The following BICRAL variants were observed in gnomAD, a reference collection of about 807,000 sequenced individuals.
BICRAL encodes BICRA like chromatin remodeling complex associated protein, also known as BRD4-interacting chromatin-remodeling complex-associated protein-like.
In BICRAL, 8 loss-of-function variants were observed where a neutral mutation model predicts 91.8. That is an observed-to-expected ratio of 0.09 (90% CI 0.05 to 0.16). The LOEUF (loss-of-function observed/expected upper bound fraction) is 0.16, where lower values mean the gene tolerates loss of function less well. Ranked by LOEUF, BICRAL falls within the 10% of genes least tolerant of loss-of-function variation. BICRAL has a pLI of 1.00. For synonymous variants in BICRAL, 445 were observed against 491.1 expected, an observed-to-expected ratio of 0.91 and a Z score of 1.24; for missense variants, 1,038 against 1,310.9, an observed-to-expected ratio of 0.79 and a Z score of 3.21.
intron 6 of BICRAL, among the ~76,000 whole-genome samples, chr6:42,844,280 C>T (rs1764911595): frequency 6.7e-6 from 1 of 149,996 alleles, no homozygotes. Flanking sequence ...GAGGCCGAGG[C>T]AGGCGGATCA....
At chr6:42,816,092 A>G (rs1264595089) in intron 2 of BICRAL, among the ~76,000 whole-genome samples, 4 of 150,770 alleles carry the variant, frequency 2.7e-5, no homozygotes, top group Non-Finnish European at 4.4e-5. Context: ...AGGGCTGGGC[A>G]TGGTAATTGT....
chr6:42,829,895 G>A lies in BICRAL; in HGVS notation c.1562G>A (p.Gly521Glu). 1 of 1,614,230 alleles carries A rather than the reference G, an allele frequency of 6.2e-7. No individual in the cohort carries two copies. Among genetic ancestry groups the A allele is most frequent in the Non-Finnish European group, 8.5e-7 (1 of 1,180,044 alleles). The change falls in exon 6 of 13, where the codon GGA (glycine) becomes GAA (glutamate). Residue 521 changes from glycine to glutamate, a missense_variant. This residue lies in a region of BICRAL where 532 missense variants were observed against 724.9 expected (regional missense o/e 0.73). Transcript: ENST00000314073. Reference protein sequence around the residue: ...LSPGQSSVSQGRPGFATMPSV... With the variant: ...LSPGQSSVSQERPGFATMPSV... Reference sequence around the variant, plus strand: ...CCTGGGCAGAGCAGCGTTTCCCAAGGAAGACCTGGCTTCGCCACCATGCCA... The same window carrying A: ...CCTGGGCAGAGCAGCGTTTCCCAAGAAAGACCTGGCTTCGCCACCATGCCA...
At chr6:42,770,414 T>TATTA (rs200926824) in intron 1 of BICRAL, among the ~76,000 whole-genome samples, 1 of 79,638 alleles carries the variant, frequency 1.3e-5, no homozygotes, top group African/African-American at 5.9e-5. Flanking sequence ...TTATTATTAT[T>TATTA]TTTTTTTTTT....
intron 6 of BICRAL, among the ~76,000 whole-genome samples, chr6:42,838,358 C>T (rs773129780): frequency 7.9e-5 from 12 of 152,190 alleles, no homozygotes; most frequent in Admixed American, 2.0e-4. Flanking sequence ...TATGTTTCCT[C>T]ATGACTCGGC....
chr6:42,808,918 G>T (rs1763781918), intron 1 of BICRAL, among the ~76,000 whole-genome samples: 1 of 152,078 alleles, frequency 6.6e-6, no homozygotes, highest in Non-Finnish European at 1.5e-5. Flanking sequence ...CAGTGTCCTT[G>T]CCCTGTGTCT....
intron 6 of BICRAL, among the ~76,000 whole-genome samples, chr6:42,832,121 G>A (rs1764501271): frequency 6.6e-6 from 1 of 151,114 alleles, no homozygotes; most frequent in Non-Finnish European, 1.5e-5. Flanking sequence ...GCCAAGGTGG[G>A]CAGATTGCTT....
At chr6:42,820,077 C>T (rs1331085114) in intron 2 of BICRAL, among the ~76,000 whole-genome samples, 1 of 152,128 alleles carries the variant, frequency 6.6e-6, no homozygotes, top group Non-Finnish European at 1.5e-5. Context: ...GTTCTCTGTG[C>T]TTGAAAGTGC....
chr6:42,823,046 CTGAT>C (rs772189428), intron 5 of BICRAL, 43 bp downstream of exon 5: 9 of 1,145,210 alleles, frequency 7.9e-6, no homozygotes, highest in Non-Finnish European at 1.2e-5. Flanking sequence ...TGGTTTCTGT[CTGAT>C]TGATGCCTTG....
At chr6:42,846,327 C>T (rs1582868460) in intron 6 of BICRAL, among the ~76,000 whole-genome samples, 1 of 151,856 alleles carries the variant, frequency 6.6e-6, no homozygotes, top group East Asian at 1.9e-4. Flanking sequence ...GAGATCGCGC[C>T]ATTGCACTCC....
At chr6:42,837,803 G>A (rs970724802) in intron 6 of BICRAL, among the ~76,000 whole-genome samples, 69 of 151,968 alleles carry the variant, frequency 4.5e-4, no homozygotes, top group South Asian at 1.0e-3. Flanking sequence ...GTACTACAAT[G>A]AAGAGTTTCC....
upstream of BICRAL, among the ~76,000 whole-genome samples, chr6:42,779,076 G>A (rs975596126): frequency 6.6e-6 from 1 of 151,786 alleles, no homozygotes; most frequent in Non-Finnish European, 1.5e-5. Flanking sequence ...AATTGGCTGA[G>A]TGTGCTGGTG....
At chr6:42,780,219 GTGT>G (rs1762867725), upstream of BICRAL, among the ~76,000 whole-genome samples, 1 of 152,074 alleles carries the variant, frequency 6.6e-6, no homozygotes, top group African/African-American at 2.4e-5. Context: ...AAGATCTTCT[GTGT>G]TGAATATGAC....
chr6:42,754,198 G>A (rs1030464580), intron 1 of BICRAL, among the ~76,000 whole-genome samples: 3 of 150,334 alleles, frequency 2.0e-5, no homozygotes, highest in African/African-American at 2.5e-5. Flanking sequence ...TTGAGACGGA[G>A]TCTTGCTCTG....
rs751860097 is a variant in BICRAL at position 42,864,823 on chromosome 6, A to G, written c.2617A>G (p.Met873Val). Residue 873 changes from methionine to valine, a missense_variant, in exon 13 of 13, where the codon ATG (methionine) becomes GTG (valine). By Grantham distance (21) the Met-to-Val change is conservative (BLOSUM62 1). This residue lies in a region of BICRAL where 294 missense variants were observed against 292.6 expected (regional missense o/e 1.00). Transcript: ENST00000314073. ...AGCCAAAACCGGTGTGACGGAACCC[A>G]TGAATCATGACCAGTTTCATCTAGT... ...DRAKTGVTEP[M>V]NHDQFHLVPN... The G allele has an allele frequency of 2.7e-5, 43 of 1,614,204 alleles. No individual in the cohort carries two copies. The highest frequency in any genetic ancestry group is 1.6e-4 in the South Asian group (15 of 91,088).
chr6:42,862,401 A>G (rs1054842101), intron 11 of BICRAL, 109 bp from the exon 12 acceptor site: 39 of 740,648 alleles, frequency 5.3e-5, no homozygotes, highest in Non-Finnish European at 7.2e-5. Flanking sequence ...CACTTTTCAC[A>G]TGCCCTGTAG....
intron 1 of BICRAL, among the ~76,000 whole-genome samples, chr6:42,774,596 T>G (rs1276296212): frequency 6.6e-6 from 1 of 151,640 alleles, no homozygotes; most frequent in East Asian, 1.9e-4. Flanking sequence ...ATTGTATGAT[T>G]TATAGTGAGA....
chr6:42,822,241 T>C (rs1398769039), intron 3 of BICRAL, among the ~76,000 whole-genome samples, 178 bp downstream of exon 3: 1 of 147,830 alleles, frequency 6.8e-6, no homozygotes, highest in African/African-American at 2.5e-5. Flanking sequence ...CAGTAATTCT[T>C]TTTTTTTTTT....
chr6:42,850,039 T>G (rs937211961), intron 6 of BICRAL, among the ~76,000 whole-genome samples: 17 of 149,736 alleles, frequency 1.1e-4, no homozygotes, highest in Admixed American at 3.3e-4. Context: ...CCTGTCTCAA[T>G]AAATAAATAA....
intron 1 of BICRAL, among the ~76,000 whole-genome samples, chr6:42,758,097 C>T (rs1242643317): frequency 6.6e-6 from 1 of 152,084 alleles, no homozygotes; most frequent in Non-Finnish European, 1.5e-5. Flanking sequence ...ACTGTTAATG[C>T]TCTCTGATCT....
Sources: gnomAD v4.1 joint callset for allele counts (sites outside exome capture counted in the v4.1 genomes callset) on GRCh38, gnomAD v4.1.1 for gene constraint, gnomAD v4.1.1 regional missense constraint, MANE v1.5 for transcripts, NCBI Gene and HGNC (gene_info 2026-07-23, HGNC 2026-07-21) for gene names.